CADPS2: variants seen among roughly 807,000 people sequenced by gnomAD.
CADPS2 encodes calcium-dependent secretion activator 2.
In CADPS2, 93 loss-of-function variants were observed where a neutral mutation model predicts 172.5. The ratio of observed to expected loss-of-function variants is 0.54; its 90% CI spans 0.46 to 0.64. The LOEUF (loss-of-function observed/expected upper bound fraction) is 0.64. CADPS2 is among the 30% of genes least tolerant of loss of function. The pLI is 0.00. For synonymous variants in CADPS2, 546 were observed against 555.2 expected, an observed-to-expected ratio of 0.98 and a Z score of 0.23; for missense variants, 1,420 against 1,565.9, an observed-to-expected ratio of 0.91 and a Z score of 1.57.
chr7:122,667,932 G>T (rs182099564), intron 2 of CADPS2, among the ~76,000 whole-genome samples: 31 of 152,264 alleles, frequency 2.0e-4, no homozygotes, highest in East Asian at 5.8e-4. Flanking sequence ...GGGGCCACGT[G>T]GGGGGAGGGA....
chr7:122,850,667 C>A (rs1813318737), intron 1 of CADPS2, among the ~76,000 whole-genome samples: 1 of 152,170 alleles, frequency 6.6e-6, no homozygotes, highest in Non-Finnish European at 1.5e-5. Context: ...CTCTGGGGGT[C>A]CCCCATCCCC....
Position 122,724,437 on chromosome 7 carries a change from A to C in CADPS2, c.453+12518T>G, listed in dbSNP as rs146695120. Among the ~76,000 whole-genome samples, 27 of 152,172 alleles carry C rather than the reference A, an allele frequency of 1.8e-4. No homozygotes were observed. The East Asian group carries it at 4.3e-3, about 24-fold the overall frequency. Reference sequence around the variant, plus strand: ...CTGAAGCAGCTTATAATTATCACAAAGCAGTACACATGATAATATAAATTA... The same window carrying C: ...CTGAAGCAGCTTATAATTATCACAACGCAGTACACATGATAATATAAATTA... On this transcript the variant is annotated intron_variant, in intron 2 of 29. Transcript: ENST00000449022.
intron 6 of CADPS2, among the ~76,000 whole-genome samples, chr7:122,600,188 C>A (rs769141308): frequency 6.6e-6 from 1 of 152,206 alleles, no homozygotes. Flanking sequence ...AAGCAAACAA[C>A]ACATGCAGTA....
At chr7:122,707,031 T>A (rs1447876057) in intron 2 of CADPS2, among the ~76,000 whole-genome samples, 1 of 151,104 alleles carries the variant, frequency 6.6e-6, no homozygotes, top group African/African-American at 2.4e-5. Flanking sequence ...AGAGGAAGGG[T>A]GAAGATTTGA....
At chr7:122,429,494 C>T (rs549164478) in intron 17 of CADPS2, among the ~76,000 whole-genome samples, 2 of 152,086 alleles carry the variant, frequency 1.3e-5, no homozygotes, top group Admixed American at 1.3e-4. Context: ...TTGTATCTAA[C>T]AATTTGTCCC....
intron 1 of CADPS2, among the ~76,000 whole-genome samples, chr7:122,819,376 G>A (rs1047642755): frequency 3.9e-5 from 6 of 152,218 alleles, no homozygotes; most frequent in African/African-American, 7.2e-5. Flanking sequence ...AGATCTTCTC[G>A]GCTTAGCGGC....
In CADPS2 at chr7:122,787,037, A is replaced by AG. The variant is rs1478403643; in HGVS notation, c.340-49970dup. 3.9e-5 allele frequency among the ~76,000 whole-genome samples: 6 copies of AG among 152,306 alleles called. No individual in the cohort carries two copies. In the East Asian group the frequency reaches 1.2e-3, roughly 29 times the overall value. On this transcript the variant is annotated intron_variant, in intron 1 of 29. Transcript: ENST00000449022. ...AGAAACGAACCTTGTAACAGTATGC[A>AG]GGACTGTTTGGAAACCACTATTTTC...
chr7:122,566,384 T>A (rs2066475860), intron 7 of CADPS2, among the ~76,000 whole-genome samples: 1 of 152,098 alleles, frequency 6.6e-6, no homozygotes, highest in African/African-American at 2.4e-5. Context: ...AAAAGTAGAA[T>A]TACTATATGA....
chr7:122,862,035 T>C (rs1817081311), intron 1 of CADPS2, among the ~76,000 whole-genome samples: 1 of 152,252 alleles, frequency 6.6e-6, no homozygotes, highest in East Asian at 1.9e-4. Flanking sequence ...CCTACAAAGA[T>C]GGCAGATCAG....
intron 1 of CADPS2, among the ~76,000 whole-genome samples, chr7:122,744,246 G>A (rs547635238): frequency 6.6e-6 from 1 of 152,226 alleles, no homozygotes; most frequent in South Asian, 2.1e-4. Context: ...TGGTGAGGTG[G>A]CAAGATAAAA....
intron 3 of CADPS2, among the ~76,000 whole-genome samples, chr7:122,640,318 GGT>G (rs1321914737): frequency 1.3e-5 from 2 of 151,832 alleles, no homozygotes; most frequent in Non-Finnish European, 2.9e-5. Context: ...TCTTTCTTTG[GGT>G]GTGTGTGTAC....
At chr7:122,849,867 C>T in intron 1 of CADPS2, 1 of 581,260 alleles carries the variant, frequency 1.7e-6, no homozygotes, top group East Asian at 4.1e-5. Context: ...GGGCAGATCT[C>T]AAGCCAGGCC....
chr7:122,653,565 T>C (rs2079410507), intron 3 of CADPS2, among the ~76,000 whole-genome samples: 2 of 152,258 alleles, frequency 1.3e-5, no homozygotes, highest in African/African-American at 4.8e-5. Flanking sequence ...TACATCATTT[T>C]ATTGAGTTTC....
At chr7:122,527,615 AGAGTGTGTGTGT>A (rs1184274169) in intron 8 of CADPS2, among the ~76,000 whole-genome samples, 10 of 94,332 alleles carry the variant, frequency 1.1e-4, no homozygotes, top group African/African-American at 3.3e-4. Flanking sequence ...AGAGAGAGAG[AGAGTGTGTGTGT>A]GTGTGTGTGT....
intron 2 of CADPS2, among the ~76,000 whole-genome samples, chr7:122,731,994 TA>T (rs1160524762): frequency 2.6e-5 from 4 of 151,760 alleles, no homozygotes; most frequent in Non-Finnish European, 5.9e-5. Context: ...AAATATGATA[TA>T]AATTATATTG....
chr7:122,520,379 AT>A (rs762924894), intron 8 of CADPS2, among the ~76,000 whole-genome samples: 36 of 151,752 alleles, frequency 2.4e-4, no homozygotes, highest in Non-Finnish European at 4.7e-4. Flanking sequence ...TAATATTCTG[AT>A]TTCTTTTCTT....
chr7:122,409,874 T>A (rs1161782829), intron 19 of CADPS2, among the ~76,000 whole-genome samples: 1 of 152,154 alleles, frequency 6.6e-6, no homozygotes, highest in Non-Finnish European at 1.5e-5. Flanking sequence ...CCCTCAGAAA[T>A]GCATCCATCT....
At chr7:122,355,371 A>G (rs1034914894) in intron 27 of CADPS2, among the ~76,000 whole-genome samples, 1 of 152,146 alleles carries the variant, frequency 6.6e-6, no homozygotes, top group East Asian at 1.9e-4. Flanking sequence ...ACCTGAAGTC[A>G]GGAGTTTCAG....
chr7:122,572,755 A>C (rs1225550305), intron 7 of CADPS2, among the ~76,000 whole-genome samples: 1 of 152,114 alleles, frequency 6.6e-6, no homozygotes, highest in Non-Finnish European at 1.5e-5. Context: ...CATTATGATA[A>C]ACTATATACT....
Sources: gnomAD v4.1 joint callset for allele counts (sites outside exome capture counted in the v4.1 genomes callset) on GRCh38, gnomAD v4.1.1 for gene constraint, MANE v1.5 for transcripts, NCBI Gene and HGNC (gene_info 2026-07-23, HGNC 2026-07-21) for gene names.